Variants in CYTH4 observed in about 807,000 individuals in gnomAD.
CYTH4 encodes cytohesin-4.
Under a neutral mutation model 57.5 loss-of-function variants are expected in CYTH4, and 22 were observed. That is an observed-to-expected ratio of 0.38 (90% CI 0.27 to 0.55). The LOEUF (loss-of-function observed/expected upper bound fraction) is 0.55, where lower values mean the gene tolerates loss of function less well. Ranked by LOEUF, CYTH4 falls within the 20% of genes least tolerant of loss-of-function variation. CYTH4 has a pLI of 0.74. For missense variants in CYTH4, 420 were observed against 535.6 expected (o/e 0.78, Z 2.13); for synonymous variants, 186 against 206.5 (o/e 0.90, Z 0.85).
chr22:37,296,302 T>C (rs1465574388), intron 4 of CYTH4: 2 of 567,146 alleles, frequency 3.5e-6, no homozygotes, highest in East Asian at 6.0e-5. Flanking sequence ...GAGGCCACGG[T>C]GTCCATGCAC....
rs557384183 is a variant in CYTH4 at position 37,309,956 on chromosome 22, G to C, written c.808+633G>C. ...GGGCAACCCCAGTGCCCGGCCGTCT[G>C]CCCCTGCCTCCCACACACACTTCCG... On this transcript the variant is annotated intron_variant, in intron 9 of 12. Coordinates refer to ENST00000248901, the MANE Select transcript of CYTH4 (RefSeq NM_013385.5). 1.1e-4 allele frequency: 51 copies of C among 463,130 alleles called. 2 individuals carry two copies. Among genetic ancestry groups the C allele is most frequent in the South Asian group, 8.1e-4 (51 of 62,840 alleles). 28.7% of individuals were successfully genotyped at this position (463,130 alleles called of 1,614,324 possible).
At position 37,311,201 on chromosome 22, in the gene CYTH4, C is replaced by T; in HGVS notation, c.885+137C>T. ...TCAGTCCCCCTCCATGCCCATTTTA[C>T]AGATGGGGAAAACGGGTACACAGAG... is the stretch of plus-strand genomic sequence containing the variant. On this transcript the variant is annotated intron_variant, in intron 10 of 12. Transcript: ENST00000248901. This position sits in a 1 kb window ranked among gnomAD's most constrained non-coding sequence, Gnocchi z 4.4. The T allele has an allele frequency of 1.9e-6, 2 of 1,060,840 alleles. No individual in the cohort carries two copies. Among genetic ancestry groups the T allele is most frequent in the Non-Finnish European group, 2.8e-6 (2 of 708,360 alleles). 65.7% of individuals were successfully genotyped at this position (1,060,840 alleles called of 1,614,324 possible).
At chr22:37,296,691 G>C (rs1367172866) in intron 4 of CYTH4, 1 of 154,284 alleles carries the variant, frequency 6.5e-6, no homozygotes, top group African/African-American at 2.4e-5. Flanking sequence ...AAGGCTCCCT[G>C]TCCCCATCAC....
chr22:37,311,148 C>T lies in CYTH4; in HGVS notation c.885+84C>T. 6.9e-7 allele frequency: 1 copy of T among 1,446,172 alleles called. No individual in the cohort carries two copies. Among genetic ancestry groups the T allele is most frequent in the Non-Finnish European group, 9.7e-7 (1 of 1,031,298 alleles). 89.6% of individuals were successfully genotyped at this position (1,446,172 alleles called of 1,614,324 possible). ...CCCAACTCCCACTGAGCAGTCGACTCACACAGCTTTGGATCCTTTGAGATC... is the reference window on the plus strand; with the variant it reads ...CCCAACTCCCACTGAGCAGTCGACTTACACAGCTTTGGATCCTTTGAGATC... On this transcript the variant is annotated intron_variant, in intron 10 of 12. Coordinates refer to ENST00000248901, the MANE Select transcript of CYTH4 (RefSeq NM_013385.5). The surrounding 1 kb of genome is among the most constrained non-coding windows in gnomAD (Gnocchi z 4.4).
intron 4 of CYTH4, 98 bp downstream of exon 4, chr22:37,296,163 T>A: frequency 8.0e-7 from 1 of 1,254,194 alleles, no homozygotes; most frequent in Non-Finnish European, 1.1e-6. Flanking sequence ...ACGACCCCTT[T>A]CCAGAGGAGG....
In CYTH4 at chr22:37,301,016, A is replaced by G. The variant is rs1929159386; in HGVS notation, c.544A>G (p.Thr182Ala). The change falls in exon 7 of 13, where the codon ACA (threonine) becomes GCA (alanine). Residue 182 changes from threonine (T) to alanine (A), a missense_variant. By Grantham distance (58) the Thr-to-Ala change is moderately conservative. Coordinates refer to ENST00000248901, the MANE Select transcript of CYTH4 (RefSeq NM_013385.5). ...CLCNPGVFQS[T>A]DTCYVLSFSI... ...CTGCAACCCAGGCGTCTTCCAGTCCACAGGTGCCAGGAGGGGAGTGGGACC... is the reference window on the plus strand; with the variant it reads ...CTGCAACCCAGGCGTCTTCCAGTCCGCAGGTGCCAGGAGGGGAGTGGGACC... The G allele has an allele frequency of 6.2e-7, 1 of 1,613,558 alleles. No homozygotes were observed. Among genetic ancestry groups the G allele is most frequent in the Admixed American group, 1.7e-5 (1 of 59,970 alleles).
chr22:37,285,487 CCA>C (rs576570803), intron 1 of CYTH4, among the ~76,000 whole-genome samples: 1 of 152,056 alleles, frequency 6.6e-6, no homozygotes, highest in Non-Finnish European at 1.5e-5. Context: ...AGGTGGATCA[CCA>C]GAGGTCAGGA....
intron 1 of CYTH4, among the ~76,000 whole-genome samples, chr22:37,284,833 G>A (rs1052972734): frequency 3.9e-5 from 6 of 152,208 alleles, no homozygotes; most frequent in Non-Finnish European, 7.3e-5. Flanking sequence ...AGGGCCTGCC[G>A]GGAAGGTGAG....
intron 6 of CYTH4, chr22:37,300,410 G>T: frequency 1.7e-6 from 1 of 590,328 alleles, no homozygotes; most frequent in Non-Finnish European, 3.0e-6. Flanking sequence ...AGAGATACAG[G>T]CCCAGTTCTC....
chr22:37,311,549 T>A lies in CYTH4; in HGVS notation c.957+22T>A. On this transcript the variant is annotated intron_variant, in intron 11 of 12. Transcript: ENST00000248901. This position sits in a 1 kb window ranked among gnomAD's most constrained non-coding sequence, Gnocchi z 4.4. ...GCCAGTAGGTGTTCAGGTTGCAGGA[T>A]CCCGAGGCTGGAGCCACTGGGAAAT... 6.2e-7 allele frequency: 1 copy of A among 1,612,248 alleles called. No homozygotes were observed. Among genetic ancestry groups the A allele is most frequent in the Non-Finnish European group, 8.5e-7 (1 of 1,178,752 alleles).
At chr22:37,313,318 C>G (rs1323548154) in intron 12 of CYTH4, 121 bp from the exon 13 acceptor site, 1 of 969,492 alleles carries the variant, frequency 1.0e-6, no homozygotes, top group East Asian at 2.4e-5. Flanking sequence ...CTGGCCTTTC[C>G]CCCGCGGCAG....
chr22:37,308,539 T>C (rs1034200053), intron 8 of CYTH4, among the ~76,000 whole-genome samples: 1 of 151,446 alleles, frequency 6.6e-6, no homozygotes, highest in African/African-American at 2.4e-5. Context: ...TGTGAGTGTG[T>C]GTATGTGTGT....
rs754392692 is a variant in CYTH4, at chr22:37,292,716, T to C, written c.102+13T>C. Reference sequence around the variant, plus strand: ...GGAGGACATCCAGGTGAGTGCACACTCGTGTCCACACACGTGTCCATGCCC... The same window carrying C: ...GGAGGACATCCAGGTGAGTGCACACCCGTGTCCACACACGTGTCCATGCCC... On this transcript the variant is annotated intron_variant, in intron 2 of 12. Coordinates refer to ENST00000248901, the MANE Select transcript of CYTH4 (RefSeq NM_013385.5). 2 of 1,612,156 alleles carry C rather than the reference T, an allele frequency of 1.2e-6. No individual in the cohort carries two copies. The highest frequency in any genetic ancestry group is 3.3e-5 in the Admixed American group (2 of 59,994).
chr22:37,300,328 A>G (rs1471474784), intron 6 of CYTH4: 2 of 698,722 alleles, frequency 2.9e-6, no homozygotes, highest in East Asian at 2.7e-5. Flanking sequence ...TCACATATTC[A>G]TTCATTCATT....
At chr22:37,289,665 A>AC (rs1378867046) in intron 1 of CYTH4, among the ~76,000 whole-genome samples, 1 of 152,156 alleles carries the variant, frequency 6.6e-6, no homozygotes, top group Non-Finnish European at 1.5e-5. Flanking sequence ...TCCTGGACGT[A>AC]CCACTCACAA....
chr22:37,300,873 C>G (rs769535396), intron 6 of CYTH4, 34 bp from the exon 7 acceptor site: 1 of 1,585,998 alleles, frequency 6.3e-7, no homozygotes, highest in Middle Eastern at 1.7e-4. Context: ...AGGGCCCACC[C>G]ACTCCACTGC....
rs373613477 is a variant in CYTH4 at position 37,311,365 on chromosome 22, T to C, written c.886-91T>C. On this transcript the variant is annotated intron_variant, in intron 10 of 12. Coordinates refer to ENST00000248901, the MANE Select transcript of CYTH4 (RefSeq NM_013385.5). The surrounding 1 kb of genome is among the most constrained non-coding windows in gnomAD (Gnocchi z 4.4). Reference sequence around the variant, plus strand: ...TCTCGGAAGATGAGCACGCTCCTCTTTGAGTTTGGGGAACCCCACACGTTC... The same window carrying C: ...TCTCGGAAGATGAGCACGCTCCTCTCTGAGTTTGGGGAACCCCACACGTTC... The C allele has an allele frequency of 1.6e-5, 19 of 1,154,158 alleles. No homozygotes were observed. Among genetic ancestry groups the C allele is most frequent in the Middle Eastern group, 3.9e-4 (2 of 5,142 alleles). 71.5% of individuals were successfully genotyped at this position (1,154,158 alleles called of 1,614,324 possible).
At position 37,311,863 on chromosome 22, in the gene CYTH4, G is replaced by A; in HGVS notation, c.958-157G>A. ...GGTGGATTCAGGAGCCTGCCACAGA[G>A]AGAGTGCTCAGTGTGGGAGCAGCAG... On this transcript the variant is annotated intron_variant, in intron 11 of 12. Transcript: ENST00000248901. The surrounding 1 kb of genome is among the most constrained non-coding windows in gnomAD (Gnocchi z 4.4). 1 of 938,184 alleles carries A rather than the reference G, an allele frequency of 1.1e-6. No individual in the cohort carries two copies. Among genetic ancestry groups the A allele is most frequent in the Non-Finnish European group, 1.6e-6 (1 of 636,580 alleles). 58.1% of individuals were successfully genotyped at this position (938,184 alleles called of 1,614,324 possible).
intron 1 of CYTH4, among the ~76,000 whole-genome samples, chr22:37,284,357 G>A (rs941070215): frequency 1.3e-5 from 2 of 152,170 alleles, no homozygotes; most frequent in Non-Finnish European, 1.5e-5. Context: ...TGGAGAGGCA[G>A]GAGCCACATC....
Sources: gnomAD v4.1 joint callset for allele counts (sites outside exome capture counted in the v4.1 genomes callset) on GRCh38, gnomAD v4.1.1 for gene constraint, Gnocchi (gnomAD v3.1) non-coding constraint, MANE v1.5 for transcripts, NCBI Gene and HGNC (gene_info 2026-07-23, HGNC 2026-07-21) for gene names.